Variants in MYT1L observed in about 807,000 individuals in gnomAD.
The protein encoded by MYT1L is myelin transcription factor 1-like protein.
Under a neutral mutation model 126.7 loss-of-function variants are expected in MYT1L, and 12 were observed. That is an observed-to-expected ratio of 0.09 (90% CI 0.06 to 0.15). MYT1L has a LOEUF of 0.15. Among genes scored for constraint, MYT1L ranks in the 10% least tolerant of loss-of-function variants. The pLI, the probability that MYT1L is intolerant of heterozygous loss-of-function variation, is 1.00. For synonymous variants in MYT1L, 541 were observed against 604.2 expected, an observed-to-expected ratio of 0.90 and a Z score of 1.53; for missense variants, 979 against 1,585.2, an observed-to-expected ratio of 0.62 and a Z score of 6.49.
At chr2:2,269,924 T>C (rs1424193230) in intron 2 of MYT1L, among the ~76,000 whole-genome samples, 1 of 152,226 alleles carries the variant, frequency 6.6e-6, no homozygotes, top group Non-Finnish European at 1.5e-5. Context: ...TCATGACTTC[T>C]GATCTAATAT....
At chr2:1,884,234 C>T (rs547381990) in intron 18 of MYT1L, 10 of 152,240 alleles carry the variant, frequency 6.6e-5, no homozygotes, top group East Asian at 3.9e-4. Context: ...TGTTTATGAA[C>T]GATTAGAGAC....
intron 3 of MYT1L, among the ~76,000 whole-genome samples, chr2:2,060,847 T>C (rs2150150620): frequency 6.7e-6 from 1 of 150,140 alleles, no homozygotes; most frequent in Admixed American, 6.6e-5. Flanking sequence ...TCTCTTTCCC[T>C]CTCTCTCTCT....
rs2054614584 is a variant in MYT1L, at chr2:1,929,163, A to T, written c.506-5900T>A. Among the ~76,000 whole-genome samples, 1 of 152,120 alleles carries T rather than the reference A, an allele frequency of 6.6e-6. No homozygotes were observed. Among genetic ancestry groups the T allele is most frequent in the South Asian group, 2.1e-4 (1 of 4,828 alleles). ...ACTGCAGTCTCTTTCCTTTCATAAGAGGGGAGAAGTCACTTTCCCAGCCCG... is the reference window on the plus strand; with the variant it reads ...ACTGCAGTCTCTTTCCTTTCATAAGTGGGGAGAAGTCACTTTCCCAGCCCG... On this transcript the variant is annotated intron_variant, in intron 9 of 24. Transcript: ENST00000647738. This position sits in a 1 kb window ranked among gnomAD's most constrained non-coding sequence, Gnocchi z 4.7.
chr2:2,144,953 A>G (rs2084651850), intron 3 of MYT1L, among the ~76,000 whole-genome samples: 1 of 152,184 alleles, frequency 6.6e-6, no homozygotes, highest in African/African-American at 2.4e-5. Flanking sequence ...AAAAAATAAA[A>G]TGGGCTGAAT....
intron 3 of MYT1L, among the ~76,000 whole-genome samples, chr2:2,062,076 G>C (rs981524417): frequency 6.6e-6 from 1 of 152,192 alleles, no homozygotes; most frequent in Admixed American, 6.5e-5. Flanking sequence ...GGAACAGGGA[G>C]GTGCACTAAT....
At chr2:1,949,037 G>A (rs1473402473) in intron 8 of MYT1L, among the ~76,000 whole-genome samples, 2 of 152,052 alleles carry the variant, frequency 1.3e-5, no homozygotes, top group African/African-American at 2.4e-5. Context: ...TCGTAAATAT[G>A]ATCACTAGTA....
chr2:1,791,753 AAC>A lies in MYT1L; in HGVS notation c.*112_*113del. 9.3e-7 allele frequency: 1 copy of A among 1,076,586 alleles called. No individual in the cohort carries two copies. The highest frequency in any genetic ancestry group is 1.3e-6 in the Non-Finnish European group (1 of 766,754). 66.7% of individuals were successfully genotyped at this position (1,076,586 alleles called of 1,614,324 possible). A position where few individuals can be genotyped will look rare whatever the true frequency, so the allele number is the denominator to read the frequency against. On this transcript the variant is annotated 3_prime_UTR_variant, in exon 25 of 25. Coordinates refer to ENST00000647738, the MANE Select transcript of MYT1L (RefSeq NM_001303052.2). The surrounding 1 kb of genome is among the most constrained non-coding windows in gnomAD (Gnocchi z 6.0). ...AATCATTATGAAGTCTTGTAAGCAT[AAC>A]ACTGTTTCAAATTCAAACAGAAATA...
chr2:2,209,313 C>T (rs556210454), intron 2 of MYT1L, among the ~76,000 whole-genome samples: 29 of 151,952 alleles, frequency 1.9e-4, no homozygotes, highest in Non-Finnish European at 3.2e-4. Context: ...GACTATAGTC[C>T]CCTTGTTGTG....
At chr2:2,244,985 A>T (rs1195760537) in intron 2 of MYT1L, among the ~76,000 whole-genome samples, 1 of 152,254 alleles carries the variant, frequency 6.6e-6, no homozygotes, top group Non-Finnish European at 1.5e-5. Flanking sequence ...CCTGTTGTAC[A>T]TTCTAAATGA....
chr2:1,869,459 G>A (rs934031932), intron 18 of MYT1L, among the ~76,000 whole-genome samples: 6 of 152,378 alleles, frequency 3.9e-5, no homozygotes, highest in South Asian at 2.1e-4. Flanking sequence ...ACGCATGTGC[G>A]TGAGCCTGTG....
chr2:1,986,990 T>TTTG (rs1002789400), intron 5 of MYT1L, among the ~76,000 whole-genome samples: 3 of 152,268 alleles, frequency 2.0e-5, no homozygotes, highest in South Asian at 2.1e-4. Flanking sequence ...TTTAACTATT[T>TTTG]TTGTTGTTGT....
intron 3 of MYT1L, among the ~76,000 whole-genome samples, chr2:2,106,637 C>CATAA (rs931818504): frequency 2.0e-5 from 3 of 152,032 alleles, no homozygotes; most frequent in Non-Finnish European, 2.9e-5. Flanking sequence ...TAAATAAATA[C>CATAA]ATAAATAAAT....
At chr2:2,315,164 G>A (rs748364668) in intron 1 of MYT1L, among the ~76,000 whole-genome samples, 1 of 152,084 alleles carries the variant, frequency 6.6e-6, no homozygotes, top group Admixed American at 6.5e-5. Flanking sequence ...AACTTTTGGG[G>A]GAATTGTTGA....
chr2:1,903,032 T>C (rs1344027575), intron 14 of MYT1L, 48 bp downstream of exon 14: 1 of 1,528,474 alleles, frequency 6.5e-7, no homozygotes, highest in African/African-American at 1.4e-5. Flanking sequence ...AACAACAACA[T>C]CATCAATGGC....
intron 4 of MYT1L, among the ~76,000 whole-genome samples, chr2:2,026,937 C>A (rs947243129): frequency 6.6e-6 from 1 of 151,390 alleles, no homozygotes; most frequent in Non-Finnish European, 1.5e-5. Flanking sequence ...GAGTGTGGGG[C>A]CCCGTCACGA....
intron 8 of MYT1L, among the ~76,000 whole-genome samples, chr2:1,956,767 T>C (rs2058518186): frequency 6.6e-6 from 1 of 152,156 alleles, no homozygotes; most frequent in African/African-American, 2.4e-5. Context: ...AATATTTTCT[T>C]GTGACAGATA....
At chr2:2,275,250 G>A (rs539046035) in intron 2 of MYT1L, among the ~76,000 whole-genome samples, 1 of 150,648 alleles carries the variant, frequency 6.6e-6, no homozygotes, top group African/African-American at 2.4e-5. Context: ...GTGTGTGCAT[G>A]CCTGTTATAG....
chr2:1,919,429 T>G (rs2053275430), intron 10 of MYT1L, among the ~76,000 whole-genome samples: 1 of 152,170 alleles, frequency 6.6e-6, no homozygotes, highest in Non-Finnish European at 1.5e-5. Context: ...AAAAAAAAAG[T>G]GCGCTGTTTA....
chr2:2,310,760 C>G (rs968938292), intron 1 of MYT1L, among the ~76,000 whole-genome samples: 5 of 152,168 alleles, frequency 3.3e-5, no homozygotes, highest in Non-Finnish European at 7.3e-5. Flanking sequence ...ATAAATTTGT[C>G]TTTCCTTCCC....
Sources: gnomAD v4.1 joint callset for allele counts (sites outside exome capture counted in the v4.1 genomes callset) on GRCh38, gnomAD v4.1.1 for gene constraint, Gnocchi (gnomAD v3.1) non-coding constraint, MANE v1.5 for transcripts, NCBI Gene and HGNC (gene_info 2026-07-23, HGNC 2026-07-21) for gene names.